XPNPEP1: variants seen among roughly 807,000 people sequenced by gnomAD.
XPNPEP1 encodes X-prolyl aminopeptidase 1, also known as xaa-Pro aminopeptidase 1.
Under a neutral mutation model 92.4 loss-of-function variants are expected in XPNPEP1, and 39 were observed. The ratio of observed to expected loss-of-function variants is 0.42; its 90% CI spans 0.33 to 0.55. XPNPEP1 has a LOEUF of 0.55. XPNPEP1 is among the 20% of genes least tolerant of loss of function. The probability of loss-of-function intolerance (pLI) is 0.08; values close to 1 mark genes in which losing one functional copy is unlikely to be tolerated. For missense variants in XPNPEP1, 654 were observed against 856.1 expected, an observed-to-expected ratio of 0.76 and a Z score of 2.95; for synonymous variants, 307 against 299.4, an observed-to-expected ratio of 1.03 and a Z score of -0.26.
chr10:109,898,692 G>A (rs143852053), intron 3 of XPNPEP1, among the ~76,000 whole-genome samples: 24 of 152,364 alleles, frequency 1.6e-4, no homozygotes, highest in African/African-American at 4.6e-4. Context: ...TGTAAAGGCC[G>A]TCTGAAGACA....
chr10:109,874,452 T>C (rs562932418), intron 15 of XPNPEP1, among the ~76,000 whole-genome samples: 33 of 152,336 alleles, frequency 2.2e-4, no homozygotes, highest in Non-Finnish European at 3.8e-4. Context: ...ATAGAAAGGA[T>C]AACTTCTAGA....
In XPNPEP1 at chr10:109,915,096, C is replaced by T. The variant is rs755430388; in HGVS notation, c.36G>A (p.Val12=). 24 of 1,525,726 alleles carry T rather than the reference C, an allele frequency of 1.6e-5. No individual in the cohort carries two copies. Among genetic ancestry groups the T allele is most frequent in the Non-Finnish European group, 1.8e-5 (21 of 1,140,068 alleles). 94.5% of individuals were successfully genotyped at this position (1,525,726 alleles called of 1,614,324 possible). The change falls in exon 2 of 21, where the codon GTG becomes GTA. Residue 12 remains valine, a synonymous_variant. Transcript: ENST00000502935. ...AASRKPPRVR[V]NHQDFQLRNL... ...TTCTCAGTTGAAAATCCTGGTGATTCACCCTTAAGGAGAGAAAGAACAGGA... is the reference window on the plus strand; with the variant it reads ...TTCTCAGTTGAAAATCCTGGTGATTTACCCTTAAGGAGAGAAAGAACAGGA...
rs1480755764 is a variant in XPNPEP1, at chr10:109,893,055, A to C, written c.267T>G (p.Cys89Trp). The C allele has an allele frequency of 3.1e-6, 5 of 1,613,828 alleles. No homozygotes were observed. Among genetic ancestry groups the C allele is most frequent in the Non-Finnish European group, 4.2e-6 (5 of 1,179,868 alleles). Reference protein sequence around the residue: ...DAHQSEYIAPCDCRRAFVSGF... With the variant: ...DAHQSEYIAPWDCRRAFVSGF... ...CAGAGACAAAAGCCCGCCGACAGTC[A>C]CATGGAGCAATATACTCACTCTGGA... Residue 89 changes from cysteine to tryptophan, a missense_variant, in exon 4 of 21, where the codon TGT (cysteine) becomes TGG (tryptophan). Cys to Trp is a radical substitution (Grantham distance 215). Coordinates refer to ENST00000502935, the MANE Select transcript of XPNPEP1 (RefSeq NM_020383.4).
At chr10:109,879,443 G>A (rs941881099) in intron 12 of XPNPEP1, among the ~76,000 whole-genome samples, 21 of 151,524 alleles carry the variant, frequency 1.4e-4, no homozygotes, top group Admixed American at 3.9e-4. Context: ...AGTGGCAGGC[G>A]CCTATAATCC....
chr10:109,871,581 G>A (rs189368829), intron 17 of XPNPEP1, among the ~76,000 whole-genome samples: 12 of 152,178 alleles, frequency 7.9e-5, no homozygotes, highest in Non-Finnish European at 1.5e-4. Flanking sequence ...TGGTGCACAG[G>A]GGGTACTGGG....
At position 109,884,071 on chromosome 10, in the gene XPNPEP1, T is replaced by C. The variant is rs753230930; in HGVS notation, c.826A>G (p.Ile276Val). The C allele has an allele frequency of 2.5e-6, 4 of 1,613,182 alleles. No homozygotes were observed. Among genetic ancestry groups the C allele is most frequent in the East Asian group, 2.2e-5 (1 of 44,800 alleles). ...FSYAIIGLET[I>V]MLFIDGDRID... The stretch of plus-strand genomic sequence containing the variant: ...AGATGCAGGGCAAACACTCACATGA[T>C]CGTCTCTAGTCCTATGATTGCGTAG... Residue 276 changes from isoleucine (I) to valine (V), a missense_variant, in exon 9 of 21, where the codon ATC (isoleucine) becomes GTC (valine). By Grantham distance (29) the Ile-to-Val change is conservative. Transcript: ENST00000502935.
chr10:109,880,845 A>C lies in XPNPEP1; in HGVS notation c.1128T>G (p.Ala376=). ...CTGCACCAGCTCCTCTACTCACGTGAGCCCGCCTCATGCCTTCTGACTCAG... is the reference window on the plus strand; with the variant it reads ...CTGCACCAGCTCCTCTACTCACGTGCGCCCGCCTCATGCCTTCTGACTCAG... ...NSAESEGMRR[A]HIKDAVALCE... The change falls in exon 11 of 21, where the codon GCT becomes GCG. Residue 376 remains alanine, a synonymous_variant. Transcript: ENST00000502935. The C allele has an allele frequency of 1.2e-6, 2 of 1,613,766 alleles. No homozygotes were observed. The highest frequency in any genetic ancestry group is 1.7e-6 in the Non-Finnish European group (2 of 1,179,910).
intron 3 of XPNPEP1, among the ~76,000 whole-genome samples, chr10:109,894,552 TAA>T (rs5787825): frequency 0.021 from 2,510 of 121,830 alleles, 68 homozygotes; most frequent in African/African-American, 0.061. Flanking sequence ...AAACAAAAAT[TAA>T]AAAAAAAAAA....
chr10:109,878,084 T>C, intron 12 of XPNPEP1, 26 bp from the exon 13 acceptor site: 1 of 1,613,770 alleles, frequency 6.2e-7, no homozygotes, highest in East Asian at 2.2e-5. Context: ...TTATAAATCA[T>C]CTGGTGAGAT....
At chr10:109,922,693 C>G (rs753739604) in intron 1 of XPNPEP1, among the ~76,000 whole-genome samples, 13 of 152,218 alleles carry the variant, frequency 8.5e-5, no homozygotes, top group Non-Finnish European at 1.9e-4. Flanking sequence ...ACTCTGAACA[C>G]CTCTCTCCGT....
At position 109,870,025 on chromosome 10, in the gene XPNPEP1, G is replaced by A. The variant is rs371473011; in HGVS notation, c.1701C>T (p.Pro567=). ...CAAAAGCCCCATCTTCATAGTACCC[G>A]GGCTCTAAAACAAACCAAATCCCAA... is the stretch of plus-strand genomic sequence containing the variant. ...LEAGMIVTDE[P]GYYEDGAFGI... The change falls in exon 19 of 21, where the codon CCC becomes CCT. Residue 567 remains proline, a synonymous_variant. Transcript: ENST00000502935. 45 of 1,613,812 alleles carry A rather than the reference G, an allele frequency of 2.8e-5. No homozygotes were observed. Among genetic ancestry groups the A allele is most frequent in the South Asian group, 2.2e-4 (20 of 91,050 alleles).
At chr10:109,917,040 C>T (rs1313419592) in intron 1 of XPNPEP1, among the ~76,000 whole-genome samples, 1 of 149,712 alleles carries the variant, frequency 6.7e-6, no homozygotes, top group Non-Finnish European at 1.5e-5. Flanking sequence ...GAATGCTTTC[C>T]CCTATAATCT....
At chr10:109,913,093 G>A (rs1473843019) in intron 2 of XPNPEP1, among the ~76,000 whole-genome samples, 3 of 152,220 alleles carry the variant, frequency 2.0e-5, no homozygotes, top group Non-Finnish European at 4.4e-5. Context: ...TGAAACATTA[G>A]CCCATACACT....
At chr10:109,894,353 A>G (rs1848865058) in intron 3 of XPNPEP1, among the ~76,000 whole-genome samples, 1 of 151,720 alleles carries the variant, frequency 6.6e-6, no homozygotes, top group African/African-American at 2.4e-5. Flanking sequence ...GAGCATGGTG[A>G]AACCTCATGT....
chr10:109,865,529 C>T (rs1847090658), intron 20 of XPNPEP1, among the ~76,000 whole-genome samples: 1 of 152,178 alleles, frequency 6.6e-6, no homozygotes, highest in Non-Finnish European at 1.5e-5. Context: ...TGAAAAGGCT[C>T]CCAGAACAGT....
intron 18 of XPNPEP1, 144 bp downstream of exon 18, chr10:109,870,587 G>A (rs778559511): frequency 6.8e-5 from 72 of 1,058,338 alleles, no homozygotes; most frequent in Non-Finnish European, 8.7e-5. Context: ...AAATGAACAT[G>A]TATCAGTTCT....
chr10:109,872,000 TG>T, intron 16 of XPNPEP1, 139 bp from the exon 17 acceptor site: 1 of 840,238 alleles, frequency 1.2e-6, no homozygotes, highest in Non-Finnish European at 1.8e-6. Context: ...GAAAAAAATC[TG>T]GTGGAAAAAA....
At chr10:109,890,375 AAGTT>A in intron 5 of XPNPEP1, among the ~76,000 whole-genome samples, 1 of 152,352 alleles carries the variant, frequency 6.6e-6, no homozygotes, top group African/African-American at 2.4e-5. Context: ...AGAAATTACA[AAGTT>A]AGTTTTTGAT....
At chr10:109,891,958 T>G in intron 4 of XPNPEP1, 132 bp from the exon 5 acceptor site, 1 of 740,444 alleles carries the variant, frequency 1.4e-6, no homozygotes, top group South Asian at 1.8e-5. Flanking sequence ...GGTCCTTGAC[T>G]CCAAAGAAAC....
Sources: gnomAD v4.1 joint callset for allele counts (sites outside exome capture counted in the v4.1 genomes callset) on GRCh38, gnomAD v4.1.1 for gene constraint, MANE v1.5 for transcripts, NCBI Gene and HGNC (gene_info 2026-07-23, HGNC 2026-07-21) for gene names.